Variants in NYAP2 observed in about 807,000 individuals in gnomAD.
NYAP2 encodes neuronal tyrosine-phosphorylated phosphoinositide-3-kinase adapter 2.
Under a neutral mutation model 50.4 loss-of-function variants are expected in NYAP2, and 23 were observed. The ratio of observed to expected loss-of-function variants is 0.46; its 90% CI spans 0.33 to 0.65. NYAP2 has a LOEUF of 0.65. Among genes scored for constraint, NYAP2 ranks in the 30% least tolerant of loss-of-function variants. NYAP2 has a pLI of 0.02. For missense variants in NYAP2, 885 were observed against 861.0 expected (o/e 1.03, Z -0.35); for synonymous variants, 394 against 365.2 (o/e 1.08, Z -0.90).
At chr2:225,491,919 A>C (rs765384423) in intron 3 of NYAP2, among the ~76,000 whole-genome samples, 7 of 152,176 alleles carry the variant, frequency 4.6e-5, no homozygotes, top group Non-Finnish European at 1.0e-4. Context: ...CCAGTAGTGA[A>C]AGACTTAAAA....
chr2:225,681,946 G>A, the NYAP2 span, among the ~76,000 whole-genome samples: 4 of 152,264 alleles, frequency 2.6e-5, no homozygotes, highest in South Asian at 2.1e-4. Context: ...GAAGACCCCC[G>A]GCAGATTGCT....
Position 225,433,431 on chromosome 2 carries a change from G to C in NYAP2, c.221+24330G>C, listed in dbSNP as rs189167388. On this transcript the variant is annotated intron_variant, in intron 3 of 6. Transcript: ENST00000636099. ...TTCCTCCCTTTGCCAAAATCCTGGC[G>C]TATGTATATTTGCCGAAAAAATTTA... is the stretch of plus-strand genomic sequence containing the variant. Among the ~76,000 whole-genome samples, 3 of 151,778 alleles carry C rather than the reference G, an allele frequency of 2.0e-5. No individual in the cohort carries two copies. The East Asian group carries it at 5.8e-4, about 29-fold the overall frequency.
exon 2 of NYAP2, chr2:225,400,984 G>A (rs188927036): frequency 5.6e-4 from 58 of 104,222 alleles, no homozygotes; most frequent in African/African-American, 2.1e-3. Flanking sequence ...AGAGGGCTCT[G>A]ACAGACACAA....
chr2:225,641,414 A>G (rs1246919971), intron 6 of NYAP2, among the ~76,000 whole-genome samples: 2 of 135,018 alleles, frequency 1.5e-5, no homozygotes, highest in Non-Finnish European at 3.1e-5. Flanking sequence ...AGGAACTGCA[A>G]TCCCTCAAAC....
chr2:225,474,481 T>G (rs1206964784), intron 3 of NYAP2, among the ~76,000 whole-genome samples: 1 of 152,218 alleles, frequency 6.6e-6, no homozygotes, highest in Admixed American at 6.5e-5. Flanking sequence ...CCTCTTTTAT[T>G]TCGTTGAGCA....
At chr2:225,690,337 A>T in the NYAP2 span, among the ~76,000 whole-genome samples, 1 of 152,062 alleles carries the variant, frequency 6.6e-6, no homozygotes, top group South Asian at 2.1e-4. Context: ...AAGCAATTTT[A>T]TTACTGAATA....
chr2:225,515,017 A>G (rs1398272746), intron 4 of NYAP2, among the ~76,000 whole-genome samples: 1 of 152,176 alleles, frequency 6.6e-6, no homozygotes, highest in Non-Finnish European at 1.5e-5. Context: ...GATGCCTATG[A>G]GGTATGTGCC....
intron 4 of NYAP2, among the ~76,000 whole-genome samples, chr2:225,527,454 C>G (rs1010391610): frequency 6.6e-6 from 1 of 152,192 alleles, no homozygotes; most frequent in Non-Finnish European, 1.5e-5. Context: ...GCTCAGAGTT[C>G]TTTCTCAAGC....
At chr2:225,466,263 T>A (rs941340943) in intron 3 of NYAP2, among the ~76,000 whole-genome samples, 3 of 152,214 alleles carry the variant, frequency 2.0e-5, no homozygotes, top group African/African-American at 4.8e-5. Flanking sequence ...CATTCCTATA[T>A]GGAATATAAG....
intron 3 of NYAP2, 27 bp from the exon 4 acceptor site, chr2:225,513,344 T>C: frequency 6.2e-7 from 1 of 1,611,582 alleles, no homozygotes; most frequent in Non-Finnish European, 8.5e-7. Flanking sequence ...TTTGTCTTCA[T>C]GGTTTTTGGT....
At chr2:225,506,377 C>T (rs555233671) in intron 3 of NYAP2, among the ~76,000 whole-genome samples, 1 of 152,292 alleles carries the variant, frequency 6.6e-6, no homozygotes, top group Admixed American at 6.5e-5. Context: ...CAAGTTACAC[C>T]TGCCAAAAGT....
At position 225,574,764 on chromosome 2, in the gene NYAP2, C is replaced by T. The variant is rs368972427; in HGVS notation, c.524-7177C>T. Among the ~76,000 whole-genome samples the T allele has an allele frequency of 2.0e-5, 3 of 152,124 alleles. No individual in the cohort carries two copies. The South Asian group carries it at 6.2e-4, about 31-fold the overall frequency. ...AGGCTATGGTCAGTGCATTGTGGCA[C>T]AGTGTTTGTGAGATGCTTTAGAGCC... On this transcript the variant is annotated intron_variant, in intron 4 of 6. Transcript: ENST00000636099.
At chr2:225,527,372 G>A (rs1448809804) in intron 4 of NYAP2, among the ~76,000 whole-genome samples, 2 of 152,140 alleles carry the variant, frequency 1.3e-5, no homozygotes, top group Non-Finnish European at 2.9e-5. Context: ...AGTTTCCTTG[G>A]GTTAGGAGTC....
At chr2:225,523,131 A>G (rs1380683769) in intron 4 of NYAP2, among the ~76,000 whole-genome samples, 1 of 152,092 alleles carries the variant, frequency 6.6e-6, no homozygotes, top group Non-Finnish European at 1.5e-5. Flanking sequence ...CACATATTTG[A>G]TTTTGCTTTC....
chr2:225,422,320 T>A (rs1000717605), intron 3 of NYAP2, among the ~76,000 whole-genome samples: 2 of 152,224 alleles, frequency 1.3e-5, no homozygotes, highest in Admixed American at 6.5e-5. Flanking sequence ...GCAATCAATC[T>A]GCCATGTGCA....
In NYAP2 at chr2:225,582,314, C is replaced by G. The variant is rs1692291980; in HGVS notation, c.897C>G (p.Pro299=). The G allele has an allele frequency of 1.2e-6, 2 of 1,613,894 alleles. No individual in the cohort carries two copies. The highest frequency in any genetic ancestry group is 1.3e-5 in the African/African-American group (1 of 74,930). ...GCTGTTCTTCGCAGTGTGCTACTCC[C>G]ACGGTGCCTGACTTGGACTTCGCCA... is the stretch of plus-strand genomic sequence containing the variant. Residue 299 remains proline, a synonymous_variant, in exon 5 of 7, where the codon CCC becomes CCG. Coordinates refer to ENST00000636099, the Ensembl canonical transcript of NYAP2. The surrounding 1 kb of genome is among the most constrained non-coding windows in gnomAD (Gnocchi z 7.0).
At chr2:225,678,565 A>G in the NYAP2 span, among the ~76,000 whole-genome samples, 599 of 152,272 alleles carry the variant, frequency 3.9e-3, 4 homozygotes, top group Admixed American at 0.014. Context: ...AAGTTCTTTC[A>G]GTCCTTTTTC....
chr2:225,533,730 AT>A (rs1427160203), intron 4 of NYAP2, among the ~76,000 whole-genome samples: 1 of 152,110 alleles, frequency 6.6e-6, no homozygotes, highest in Non-Finnish European at 1.5e-5. Context: ...AATTAGAGAT[AT>A]TCACTTCCAT....
chr2:225,679,145 T>C, the NYAP2 span, among the ~76,000 whole-genome samples: 2 of 152,132 alleles, frequency 1.3e-5, no homozygotes, highest in Non-Finnish European at 2.9e-5. Context: ...ACAATAACAA[T>C]TGCTTTTGGA....
Sources: allele counts gnomAD v4.1 joint callset (sites outside exome capture counted in the v4.1 genomes callset), GRCh38; gene constraint gnomAD v4.1.1; non-coding constraint Gnocchi (gnomAD v3.1); transcripts MANE v1.5; gene names NCBI Gene and HGNC (gene_info 2026-07-23, HGNC 2026-07-21).